CCDC13: variants seen among roughly 807,000 people sequenced by gnomAD.
The protein encoded by CCDC13 is coiled-coil domain containing 13.
In CCDC13, 70 loss-of-function variants were observed where a neutral mutation model predicts 87.3. The observed-to-expected ratio is 0.80, with a 90% CI of 0.66 to 0.98. The LOEUF (loss-of-function observed/expected upper bound fraction) is 0.98, where lower values mean the gene tolerates loss of function less well. Ranked by LOEUF, CCDC13 falls within the 50% of genes least tolerant of loss-of-function variation. The pLI, the probability that CCDC13 is intolerant of heterozygous loss-of-function variation, is 0.00. For synonymous variants in CCDC13, 317 were observed against 360.3 expected (o/e 0.88, Z 1.36); for missense variants, 842 against 892.0 (o/e 0.94, Z 0.71).
chr3:42,714,077 C>T (rs1440954747), intron 13 of CCDC13: 1 of 152,204 alleles, frequency 6.6e-6, no homozygotes, highest in Non-Finnish European at 1.5e-5. Flanking sequence ...CACCTTGCCC[C>T]CTCCATCTTT....
At chr3:42,770,435 T>A (rs1431410632) in intron 1 of CCDC13, among the ~76,000 whole-genome samples, 2 of 152,210 alleles carry the variant, frequency 1.3e-5, no homozygotes, top group Non-Finnish European at 2.9e-5. Context: ...GGAAAACTTT[T>A]GTGTCTAGCT....
At chr3:42,765,232 T>C (rs931310235) in intron 1 of CCDC13, among the ~76,000 whole-genome samples, 1 of 152,168 alleles carries the variant, frequency 6.6e-6, no homozygotes, top group Admixed American at 6.5e-5. Flanking sequence ...TATCACTGTA[T>C]GAAAAGTGGT....
intron 13 of CCDC13, among the ~76,000 whole-genome samples, 178 bp downstream of exon 13, chr3:42,730,287 AAC>A (rs1354112214): frequency 6.6e-6 from 1 of 152,010 alleles, no homozygotes; most frequent in African/African-American, 2.4e-5. Flanking sequence ...CTAAGGGCAA[AAC>A]ACAGTGTGAC....
chr3:42,770,902 T>G (rs1700067398), intron 1 of CCDC13: 1 of 152,124 alleles, frequency 6.6e-6, no homozygotes, highest in African/African-American at 2.4e-5. Context: ...CATCTTGACA[T>G]CAGAAGGAAG....
intron 1 of CCDC13, among the ~76,000 whole-genome samples, chr3:42,769,987 A>G (rs1044273581): frequency 2.0e-5 from 3 of 152,192 alleles, no homozygotes; most frequent in Non-Finnish European, 4.4e-5. Flanking sequence ...AGCCTCCCCA[A>G]CGAGCGCCAC....
At chr3:42,739,908 G>A (rs1699160610) in intron 8 of CCDC13, 98 bp from the exon 9 acceptor site, 1 of 1,160,252 alleles carries the variant, frequency 8.6e-7, no homozygotes, top group Non-Finnish European at 1.2e-6. Flanking sequence ...CCGGGGCTGG[G>A]GGTGGGGGTG....
chr3:42,766,242 TGA>T (rs1246834379), intron 1 of CCDC13, among the ~76,000 whole-genome samples: 2 of 151,904 alleles, frequency 1.3e-5, no homozygotes, highest in African/African-American at 4.8e-5. Context: ...GCTGGCTGGC[TGA>T]GATGCTGGGT....
intron 7 of CCDC13, among the ~76,000 whole-genome samples, chr3:42,743,384 A>T (rs1160346966): frequency 7.6e-6 from 1 of 131,752 alleles, no homozygotes; most frequent in East Asian, 2.3e-4. Context: ...TCAAGAAAGA[A>T]TATTTATTTA....
chr3:42,709,586 A>T, intron 15 of CCDC13, 98 bp downstream of exon 15: 1 of 956,412 alleles, frequency 1.0e-6, no homozygotes, highest in Non-Finnish European at 1.7e-6. Context: ...TGGGCAAATG[A>T]GTCAAAAGTG....
chr3:42,754,108 C>T (rs1699652344), intron 3 of CCDC13, among the ~76,000 whole-genome samples: 1 of 152,212 alleles, frequency 6.6e-6, no homozygotes, highest in Admixed American at 6.5e-5. Flanking sequence ...CAGGGAGTAA[C>T]TGGCAGTCCT....
chr3:42,744,281 C>T (rs545450271), intron 7 of CCDC13, among the ~76,000 whole-genome samples: 11 of 152,260 alleles, frequency 7.2e-5, no homozygotes, highest in South Asian at 2.1e-4. Context: ...ACCCTTATAA[C>T]GCTAGGGTAG....
At chr3:42,756,712 C>T (rs537124982) in intron 3 of CCDC13, among the ~76,000 whole-genome samples, 30 of 152,118 alleles carry the variant, frequency 2.0e-4, no homozygotes, top group African/African-American at 7.2e-4. Context: ...GCCAGTGCAC[C>T]AAGGAGAAAT....
At chr3:42,762,846 G>C (rs866317828) in intron 1 of CCDC13, among the ~76,000 whole-genome samples, 1 of 152,182 alleles carries the variant, frequency 6.6e-6, no homozygotes, top group Non-Finnish European at 1.5e-5. Flanking sequence ...CACTTTGGAA[G>C]GCCAAGGTGG....
chr3:42,709,224 C>T, intron 15 of CCDC13, 85 bp from the exon 16 acceptor site: 1 of 1,393,970 alleles, frequency 7.2e-7, no homozygotes, highest in Non-Finnish European at 9.7e-7. Flanking sequence ...AATGTGGTTG[C>T]CAGCATGGCT....
chr3:42,708,609 A>T lies in CCDC13; in HGVS notation c.*371T>A, dbSNP rs1415964359. The stretch of plus-strand genomic sequence containing the variant: ...GTAACCAAGGGCTCTTCTGTGTGTG[A>T]AGCCATGGGGACATCCAGGGCTAGT... On this transcript the variant is annotated 3_prime_UTR_variant, in exon 16 of 16. Coordinates refer to ENST00000310232, the MANE Select transcript of CCDC13 (RefSeq NM_144719.4). 5.7e-6 allele frequency: 1 copy of T among 174,478 alleles called. No homozygotes were observed. Among genetic ancestry groups the T allele is most frequent in the East Asian group, 1.7e-4 (1 of 5,828 alleles). 10.8% of individuals were successfully genotyped at this position (174,478 alleles called of 1,614,324 possible).
chr3:42,758,735 C>G (rs1400746745), intron 1 of CCDC13, among the ~76,000 whole-genome samples: 3 of 152,218 alleles, frequency 2.0e-5, no homozygotes, highest in Non-Finnish European at 2.9e-5. Context: ...TTTCTAGGAA[C>G]AGGGCTTGGC....
At chr3:42,731,277 G>C (rs1279169312) in intron 12 of CCDC13, among the ~76,000 whole-genome samples, 4 of 151,774 alleles carry the variant, frequency 2.6e-5, no homozygotes, top group African/African-American at 9.7e-5. Flanking sequence ...GAAGGCTGCA[G>C]AGCTGGGCAG....
chr3:42,733,923 G>T (rs1362574153), intron 10 of CCDC13, among the ~76,000 whole-genome samples: 1 of 152,176 alleles, frequency 6.6e-6, no homozygotes, highest in Non-Finnish European at 1.5e-5. Flanking sequence ...TCTCTGAGTG[G>T]GTCCGCTTCT....
chr3:42,709,180 A>C, intron 15 of CCDC13, 41 bp from the exon 16 acceptor site: 1 of 1,574,520 alleles, frequency 6.4e-7, no homozygotes, highest in Non-Finnish European at 8.6e-7. Context: ...CTGGAGCTGC[A>C]CACAGGTGTG....
Sources: gnomAD v4.1 joint callset for allele counts (sites outside exome capture counted in the v4.1 genomes callset) on GRCh38, gnomAD v4.1.1 for gene constraint, MANE v1.5 for transcripts, NCBI Gene and HGNC (gene_info 2026-07-23, HGNC 2026-07-21) for gene names.